Variants in SNX19 observed in about 807,000 individuals in gnomAD.
SNX19 encodes sorting nexin 19, also known as sorting nexin-19.
SNX19 carries 60 observed loss-of-function variants against 85.2 expected under a neutral mutation model. The observed-to-expected ratio is 0.70, with a 90% CI of 0.57 to 0.87. The LOEUF is 0.87. Among genes scored for constraint, SNX19 ranks in the 40% least tolerant of loss-of-function variants. The pLI, the probability that SNX19 is intolerant of heterozygous loss-of-function variation, is 0.00. For missense variants in SNX19, 1,201 were observed against 1,217.8 expected (o/e 0.99, Z 0.21); for synonymous variants, 520 against 470.0 (o/e 1.11, Z -1.38).
At chr11:130,908,373 G>A (rs537649597) in intron 4 of SNX19, 2 of 230,964 alleles carry the variant, frequency 8.7e-6, no homozygotes, top group Non-Finnish European at 1.7e-5. Flanking sequence ...GAGTTCTGCG[G>A]GCTGGTGATG....
At chr11:130,911,472 G>A (rs1042040193) in intron 2 of SNX19, 161 bp downstream of exon 2, 2 of 1,455,080 alleles carry the variant, frequency 1.4e-6, no homozygotes, top group African/African-American at 2.8e-5. Flanking sequence ...TGTGATTGCT[G>A]CTGTCCAGCA....
At chr11:130,892,891 A>C (rs1944592374) in intron 8 of SNX19, 2 of 152,206 alleles carry the variant, frequency 1.3e-5, no homozygotes, top group Admixed American at 1.3e-4. Context: ...CAGCAAGGGC[A>C]AGGGCAGAGA....
Position 130,908,041 on chromosome 11 carries a change from GA to G in SNX19, c.2076del (p.Pro693LeufsTer12). Reference protein sequence around the residue: ...SAIVDTLKTAFPRSEPQSPTE... With the variant: ...SAIVDTLKTAXPRSEPQSPTE... Reference sequence around the variant, plus strand: ...GTGGGGCTCTGGGGTTCAGAGCGAGGAAACGCTGTCTTCAAGGTGTCCACAA... The same window carrying G: ...GTGGGGCTCTGGGGTTCAGAGCGAGGAACGCTGTCTTCAAGGTGTCCACAA... On this transcript the variant is annotated frameshift_variant, in exon 5 of 11. Transcript: ENST00000265909. LOFTEE classifies it high-confidence loss of function. 1 of 1,614,174 alleles carries G rather than the reference GA, an allele frequency of 6.2e-7. No individual in the cohort carries two copies. The highest frequency in any genetic ancestry group is 8.5e-7 in the Non-Finnish European group (1 of 1,180,042).
rs5795702 is a variant in SNX19, at chr11:130,870,825, T to TGGGG, written c.*7593_*7596dup. On this transcript the variant is annotated 3_prime_UTR_variant, in exon 11 of 11. Coordinates refer to ENST00000265909, the MANE Select transcript of SNX19 (RefSeq NM_014758.3). ...CATGCACTAGGTATATACATATAGT[T>TGGGG]GGGGGGGGGGCATAAGGACATAATA... Among the ~76,000 whole-genome samples the TGGGG allele has an allele frequency of 6.7e-6, 1 of 148,300 alleles. No homozygotes were observed. The highest frequency in any genetic ancestry group is 2.5e-5 in the African/African-American group (1 of 40,294).
chr11:130,905,638 G>C (rs1296636988), intron 7 of SNX19: 1 of 1,459,668 alleles, frequency 6.9e-7, no homozygotes, highest in East Asian at 2.5e-5. Flanking sequence ...AAGTTTCTAA[G>C]AAATGCAAGA....
Position 130,874,611 on chromosome 11 carries a change from C to T in SNX19, c.*3811G>A, listed in dbSNP as rs1001771797. On this transcript the variant is annotated 3_prime_UTR_variant, in exon 11 of 11. Coordinates refer to ENST00000265909, the MANE Select transcript of SNX19 (RefSeq NM_014758.3). ...GTTATGAAATAAAATAAATTTTCCT[C>T]ATAATTTAATTCTTGTCCAGAGCAT... 2.9e-4 allele frequency among the ~76,000 whole-genome samples: 44 copies of T among 152,216 alleles called. 1 individual carries two copies. The highest frequency in any genetic ancestry group is 7.2e-5 in the African/African-American group (3 of 41,456).
At chr11:130,905,645 A>T in intron 7 of SNX19, 1 of 1,473,022 alleles carries the variant, frequency 6.8e-7, no homozygotes, top group Non-Finnish European at 9.0e-7. Context: ...TAAGAAATGC[A>T]AGAGTCTGAT....
chr11:130,904,574 TTCTC>T, intron 7 of SNX19, among the ~76,000 whole-genome samples: 1 of 152,332 alleles, frequency 6.6e-6, no homozygotes, highest in South Asian at 2.1e-4. Context: ...AATTGTATGA[TTCTC>T]TCAGGTTTAG....
At chr11:130,887,060 T>C (rs943346384) in intron 8 of SNX19, among the ~76,000 whole-genome samples, 10 of 152,214 alleles carry the variant, frequency 6.6e-5, no homozygotes, top group Non-Finnish European at 1.2e-4. Context: ...TCTTCTCTGA[T>C]TTTTGCTTTC....
At chr11:130,903,764 CTACT>C (rs144470398) in intron 7 of SNX19, among the ~76,000 whole-genome samples, 2,342 of 149,956 alleles carry the variant, frequency 0.016, 58 homozygotes, top group African/African-American at 0.055. Context: ...CTTATTTTGC[CTACT>C]TAGTTTCTAT....
intron 6 of SNX19, 88 bp from the exon 7 acceptor site, chr11:130,906,221 G>A: frequency 1.5e-6 from 2 of 1,345,742 alleles, no homozygotes; most frequent in Non-Finnish European, 2.0e-6. Flanking sequence ...CCTCTCCCCT[G>A]CATAAGTACC....
intron 8 of SNX19, chr11:130,892,653 A>G (rs890909144): frequency 1.3e-5 from 2 of 152,320 alleles, no homozygotes; most frequent in Non-Finnish European, 2.9e-5. Flanking sequence ...TTTGGTACTG[A>G]GCAGTTAAGA....
At chr11:130,907,007 G>GA (rs1239156807) in intron 5 of SNX19, among the ~76,000 whole-genome samples, 1 of 152,200 alleles carries the variant, frequency 6.6e-6, no homozygotes, top group African/African-American at 2.4e-5. Context: ...GTGTATTATG[G>GA]TTATATTCCC....
At chr11:130,911,536 C>T in intron 2 of SNX19, 97 bp downstream of exon 2, 2 of 1,567,000 alleles carry the variant, frequency 1.3e-6, no homozygotes, top group Non-Finnish European at 1.7e-6. Context: ...CTTGAAACGG[C>T]ATTCTCCTCC....
In SNX19 at chr11:130,911,673, G is replaced by T; in HGVS notation, c.1773C>A (p.Thr591=). The change falls in exon 2 of 11, where the codon ACC becomes ACA. Residue 591 remains threonine, a synonymous_variant. Transcript: ENST00000265909. ...RRYREFLNLQ[T]RLEEKPDLRK... ...GTAGATCTGGTTTCTCCTCCAGACG[G>T]GTCTGCAGATTCAAGAACTCCCGAT... The T allele has an allele frequency of 6.2e-7, 1 of 1,614,118 alleles. No individual in the cohort carries two copies. Among genetic ancestry groups the T allele is most frequent in the Non-Finnish European group, 8.5e-7 (1 of 1,180,018 alleles).
chr11:130,906,764 C>G (rs202205731), intron 5 of SNX19, 43 bp from the exon 6 acceptor site: 1 of 1,363,658 alleles, frequency 7.3e-7, no homozygotes, highest in Non-Finnish European at 1.0e-6. Context: ...TAATTTATGG[C>G]CTTGAGCCTC....
intron 2 of SNX19, among the ~76,000 whole-genome samples, chr11:130,910,985 A>C (rs1246707607): frequency 6.6e-6 from 1 of 152,144 alleles, no homozygotes; most frequent in Admixed American, 6.6e-5. Flanking sequence ...GCTTGAGGTC[A>C]GGAGTTCAAG....
At chr11:130,905,724 AT>A in intron 7 of SNX19, 1 of 1,535,940 alleles carries the variant, frequency 6.5e-7, no homozygotes, top group Non-Finnish European at 8.7e-7. Context: ...ATCCTGCTGG[AT>A]TAGAACTTCC....
At chr11:130,889,411 T>C (rs557764304) in intron 8 of SNX19, among the ~76,000 whole-genome samples, 1 of 152,248 alleles carries the variant, frequency 6.6e-6, no homozygotes, top group South Asian at 2.1e-4. Flanking sequence ...AAAAGACTCT[T>C]AAGGTTTTGA....
Sources: gnomAD v4.1 joint callset for allele counts (sites outside exome capture counted in the v4.1 genomes callset) on GRCh38, gnomAD v4.1.1 for gene constraint, MANE v1.5 for transcripts, NCBI Gene and HGNC (gene_info 2026-07-23, HGNC 2026-07-21) for gene names.